Variants in DNAH10 observed in about 807,000 individuals in gnomAD.
DNAH10 encodes dynein axonemal heavy chain 10, also known as axonemal beta dynein heavy chain 10.
A neutral mutation model predicts 506.6 loss-of-function variants in DNAH10; 348 were observed. The ratio of observed to expected loss-of-function variants is 0.69; its 90% CI spans 0.63 to 0.75. The LOEUF (loss-of-function observed/expected upper bound fraction) is 0.75, where lower values mean the gene tolerates loss of function less well. Ranked by LOEUF, DNAH10 falls within the 30% of genes least tolerant of loss-of-function variation. The pLI is 0.00. For synonymous variants in DNAH10, 2,059 were observed against 2,198.6 expected (o/e 0.94, Z 1.78); for missense variants, 5,179 against 5,787.1 (o/e 0.89, Z 3.41).
At chr12:123,849,031 A>G in intron 34 of DNAH10, 149 bp downstream of exon 34, 1 of 991,758 alleles carries the variant, frequency 1.0e-6, no homozygotes, top group Non-Finnish European at 1.5e-6. Context: ...AATTGAGATG[A>G]TTGGGTTTCC....
chr12:123,785,653 A>G lies in DNAH10; in HGVS notation c.1231-93A>G. The G allele has an allele frequency of 8.6e-7, 1 of 1,161,296 alleles. No individual in the cohort carries two copies. The allele number at this position is 1,161,296 out of a possible 1,614,324, so 71.9% of individuals were successfully genotyped here. ...GTCTCAAGGAAAAAAAAAAAAAAAAAAGAGTGAAACTTCTTGCATGCTTAC... is the reference window on the plus strand; with the variant it reads ...GTCTCAAGGAAAAAAAAAAAAAAAAGAGAGTGAAACTTCTTGCATGCTTAC... On this transcript the variant is annotated intron_variant, in intron 8 of 78. Coordinates refer to ENST00000673944, the MANE Select transcript of DNAH10 (RefSeq NM_001372106.1). This position sits in a 1 kb window ranked among gnomAD's most constrained non-coding sequence, Gnocchi z 4.1.
intron 19 of DNAH10, among the ~76,000 whole-genome samples, chr12:123,811,967 T>C (rs1026392041): frequency 6.6e-6 from 1 of 152,170 alleles, no homozygotes; most frequent in South Asian, 2.1e-4. Context: ...TTAGTAATAT[T>C]GGAAGCAGAA....
intron 18 of DNAH10, among the ~76,000 whole-genome samples, chr12:123,806,184 T>A (rs1362131800): frequency 4.6e-5 from 7 of 152,250 alleles, no homozygotes; most frequent in African/African-American, 1.7e-4. Context: ...CCTTTCACGT[T>A]GGCTGCTAGG....
intron 5 of DNAH10, among the ~76,000 whole-genome samples, chr12:123,777,648 T>G (rs1250418109): frequency 2.6e-5 from 4 of 152,226 alleles, no homozygotes; most frequent in Non-Finnish European, 5.9e-5. Flanking sequence ...TTATTTATTT[T>G]TATTTACTTA....
chr12:123,883,050 T>C (rs915440625), intron 51 of DNAH10, among the ~76,000 whole-genome samples: 1 of 152,194 alleles, frequency 6.6e-6, no homozygotes, highest in African/African-American at 2.4e-5. Flanking sequence ...CATACATCGG[T>C]ACTTCATTTT....
At position 123,928,972 on chromosome 12, in the gene DNAH10, T is replaced by TTC. The variant is rs1955074232; in HGVS notation, c.12307-299_12307-298dup. On this transcript the variant is annotated intron_variant, in intron 70 of 78. Transcript: ENST00000673944. This position sits in a 1 kb window ranked among gnomAD's most constrained non-coding sequence, Gnocchi z 4.9. ...AAATTCTTTTGGAAAGGTTTTGTCA[T>TTC]TCTCTGTCTCTCTCTCTCTCTCTGG... 4.1e-6 allele frequency: 2 copies of TTC among 485,644 alleles called. No individual in the cohort carries two copies. The highest frequency in any genetic ancestry group is 2.1e-5 in the African/African-American group (1 of 47,030). The allele number at this position is 485,644 out of a possible 1,614,324, so 30.1% of individuals were successfully genotyped here.
rs554378789 is a variant in DNAH10 at position 123,772,976 on chromosome 12, TGAG to T, written c.505+36_505+38del. On this transcript the variant is annotated intron_variant, in intron 4 of 78. Coordinates refer to ENST00000673944, the MANE Select transcript of DNAH10 (RefSeq NM_001372106.1). The stretch of plus-strand genomic sequence containing the variant: ...CTGGCACGTGTGTGTGTATGTGTGT[TGAG>T]GGGGTGTGGTTGTGCATGCACTTGT... 1.2e-4 allele frequency: 179 copies of T among 1,466,528 alleles called. 1 individual carries two copies. The East Asian group carries it at 3.7e-3, about 30-fold the overall frequency. The allele number at this position is 1,466,528 out of a possible 1,614,324, so 90.8% of individuals were successfully genotyped here. A position where few individuals can be genotyped will look rare whatever the true frequency, so the allele number is the denominator to read the frequency against.
intron 65 of DNAH10, 74 bp from the exon 66 acceptor site, chr12:123,923,689 C>A: frequency 1.0e-6 from 1 of 970,646 alleles, no homozygotes; most frequent in Non-Finnish European, 1.5e-6. Context: ...CGTTTAAGCA[C>A]AGTGTGCATA....
chr12:123,880,334 A>ATTAT (rs752757481), intron 50 of DNAH10, among the ~76,000 whole-genome samples: 138 of 152,038 alleles, frequency 9.1e-4, no homozygotes, highest in Non-Finnish European at 1.6e-3. Flanking sequence ...CCTTTAAGAC[A>ATTAT]TTATTTATTT....
chr12:123,768,911 T>G (rs952385199), intron 2 of DNAH10, among the ~76,000 whole-genome samples: 1 of 151,928 alleles, frequency 6.6e-6, no homozygotes, highest in South Asian at 2.1e-4. Context: ...GATGACATTT[T>G]GATTTTTTGT....
chr12:123,838,464 T>C lies in DNAH10; in HGVS notation c.4911T>C (p.Gly1637=), dbSNP rs116167096. The change falls in exon 29 of 79, where the codon GGT becomes GGC. Residue 1637 remains glycine, a synonymous_variant. Transcript: ENST00000673944. ...NIDKVFKRIM[G]ETLKDPVIKR... ...CCTCTGTTCTGGTCCAGATCATGGGTGAGACCTTAAAAGACCCCGTGATCA... is the reference window on the plus strand; with the variant it reads ...CCTCTGTTCTGGTCCAGATCATGGGCGAGACCTTAAAAGACCCCGTGATCA... 2.8e-3 allele frequency: 4,526 copies of C among 1,613,064 alleles called. 91 individuals are homozygous for C. The African/African-American group carries it at 0.053, about 19-fold the overall frequency.
Position 123,848,049 on chromosome 12 carries a change from G to A in DNAH10, c.5903G>A (p.Gly1968Asp). 6.2e-7 allele frequency: 1 copy of A among 1,613,976 alleles called. No individual in the cohort carries two copies. Among genetic ancestry groups the A allele is most frequent in the East Asian group, 2.2e-5 (1 of 44,876 alleles). ...ETTKDLAKAL[G>D]LLCVVTNCGE... is the part of the protein sequence containing the mutation. ...ACCAAGGACCTGGCGAAAGCCTTGG[G>A]CTTGCTCTGTGTTGTCACCAACTGT... The change falls in exon 33 of 79, where the codon GGC (glycine) becomes GAC (aspartate). Residue 1968 changes from glycine to aspartate, a missense_variant. This residue lies in a region of DNAH10 where 4,844 missense variants were observed against 5,430.5 expected (regional missense o/e 0.89). Coordinates refer to ENST00000673944, the MANE Select transcript of DNAH10 (RefSeq NM_001372106.1).
At chr12:123,852,257 A>C (rs7959519) in intron 35 of DNAH10, among the ~76,000 whole-genome samples, 65,744 of 152,082 alleles carry the variant, frequency 0.43, 14,469 homozygotes, top group Middle Eastern at 0.52. Flanking sequence ...AGATTCAAAA[A>C]CAACTTTATG....
chr12:123,930,116 CTGTT>C (rs911149536), intron 72 of DNAH10: 6 of 520,070 alleles, frequency 1.2e-5, no homozygotes, highest in South Asian at 6.8e-5. Context: ...GCTTCTTCAG[CTGTT>C]TGTTTGATGT....
intron 26 of DNAH10, among the ~76,000 whole-genome samples, chr12:123,832,086 A>C (rs1177669452): frequency 6.6e-6 from 1 of 152,182 alleles, no homozygotes; most frequent in African/African-American, 2.4e-5. Context: ...AAACACACAA[A>C]ATATACATAC....
At chr12:123,901,849 C>T (rs1243881323) in intron 56 of DNAH10, among the ~76,000 whole-genome samples, 1 of 152,056 alleles carries the variant, frequency 6.6e-6, no homozygotes, top group Non-Finnish European at 1.5e-5. Flanking sequence ...TTAGTAGAGA[C>T]GGGGTTTCGC....
At chr12:123,889,348 C>A (rs945664097) in intron 52 of DNAH10, among the ~76,000 whole-genome samples, 1 of 152,150 alleles carries the variant, frequency 6.6e-6, no homozygotes, top group African/African-American at 2.4e-5. Flanking sequence ...TTGATCATTG[C>A]GTTTTAAGTT....
chr12:123,805,656 A>G (rs1279261826), intron 18 of DNAH10, among the ~76,000 whole-genome samples: 3 of 152,112 alleles, frequency 2.0e-5, no homozygotes, highest in East Asian at 3.9e-4. Flanking sequence ...CGTCACGTCT[A>G]TATTGTCAAG....
rs751685096 is a variant in DNAH10 at position 123,796,671 on chromosome 12, A to C, written c.2002A>C (p.Lys668Gln). Residue 668 changes from lysine (K) to glutamine (Q), a missense_variant, in exon 13 of 79, where the codon AAA (lysine) becomes CAA (glutamine). Transcript: ENST00000673944. Reference protein sequence around the residue: ...QYCKEIDIINKIFVQNLENPP... With the variant: ...QYCKEIDIINQIFVQNLENPP... ...TGCTTTTCAGATTGACATCATTAAT[A>C]AAATCTTTGTCCAGAACCTTGAAAA... is the stretch of plus-strand genomic sequence containing the variant. 6.2e-7 allele frequency: 1 copy of C among 1,606,720 alleles called. No homozygotes were observed. Among genetic ancestry groups the C allele is most frequent in the East Asian group, 2.2e-5 (1 of 44,786 alleles).
Sources: gnomAD v4.1 joint callset for allele counts (sites outside exome capture counted in the v4.1 genomes callset) on GRCh38, gnomAD v4.1.1 for gene constraint, gnomAD v4.1.1 regional missense constraint, Gnocchi (gnomAD v3.1) non-coding constraint, MANE v1.5 for transcripts, NCBI Gene and HGNC (gene_info 2026-07-23, HGNC 2026-07-21) for gene names.